The following GIGYF2 variants were observed in gnomAD, a reference collection of about 807,000 sequenced individuals.
GIGYF2 encodes GRB10-interacting GYF protein 2.
Under a neutral mutation model 208.1 loss-of-function variants are expected in GIGYF2, and 25 were observed. The observed-to-expected ratio is 0.12, with a 90% CI of 0.09 to 0.17. The LOEUF (loss-of-function observed/expected upper bound fraction) is 0.17, where lower values mean the gene tolerates loss of function less well. Among genes scored for constraint, GIGYF2 ranks in the 10% least tolerant of loss-of-function variants. The probability of loss-of-function intolerance (pLI) is 1.00; values close to 1 mark genes in which losing one functional copy is unlikely to be tolerated. For missense variants in GIGYF2, 1,302 were observed against 1,579.4 expected (o/e 0.82, Z 2.98); for synonymous variants, 534 against 543.8 (o/e 0.98, Z 0.25).
chr2:232,773,909 T>C (rs1699390377), intron 8 of GIGYF2, among the ~76,000 whole-genome samples: 1 of 127,784 alleles, frequency 7.8e-6, no homozygotes, highest in South Asian at 2.4e-4. Flanking sequence ...TTGTCTCTAT[T>C]TAAAAAAAAA....
chr2:232,779,496 C>CGTTA (rs1330312166), intron 8 of GIGYF2, among the ~76,000 whole-genome samples: 1 of 152,184 alleles, frequency 6.6e-6, no homozygotes, highest in African/African-American at 2.4e-5. Flanking sequence ...AGCTTTAAAA[C>CGTTA]GTTAGCTCTG....
intron 8 of GIGYF2, among the ~76,000 whole-genome samples, chr2:232,775,971 C>G (rs1042193962): frequency 2.6e-5 from 4 of 152,176 alleles, no homozygotes; most frequent in Admixed American, 6.5e-5. Context: ...GCAGAAGTAT[C>G]TATTAATTTC....
At chr2:232,746,027 G>A (rs778757082) in intron 3 of GIGYF2, among the ~76,000 whole-genome samples, 1 of 152,156 alleles carries the variant, frequency 6.6e-6, no homozygotes, top group Non-Finnish European at 1.5e-5. Context: ...AGAGGCCAAG[G>A]TGGGAGGATT....
intron 8 of GIGYF2, among the ~76,000 whole-genome samples, chr2:232,785,089 C>CT (rs578157035): frequency 0.054 from 7,211 of 134,472 alleles, 281 homozygotes; most frequent in South Asian, 0.19. Flanking sequence ...ACTTCTTCTT[C>CT]TTTTTTTTTT....
At chr2:232,783,934 C>T (rs995402186) in intron 8 of GIGYF2, among the ~76,000 whole-genome samples, 5 of 152,140 alleles carry the variant, frequency 3.3e-5, no homozygotes, top group East Asian at 1.9e-4. Flanking sequence ...GTGATCCGCC[C>T]GCCTCGGCCT....
At chr2:232,708,381 G>GAAC (rs1442220111) in intron 2 of GIGYF2, among the ~76,000 whole-genome samples, 3 of 152,084 alleles carry the variant, frequency 2.0e-5, no homozygotes, top group Non-Finnish European at 4.4e-5. Context: ...TGGGGACAGT[G>GAAC]AACAGAATGG....
chr2:232,781,313 CACACACACAA>C (rs1313703143), intron 8 of GIGYF2, among the ~76,000 whole-genome samples: 1 of 151,630 alleles, frequency 6.6e-6, no homozygotes. Context: ...CACACACACA[CACACACACAA>C]CTTATAAAGA....
At chr2:232,733,822 ATTGTT>A (rs2106293974) in intron 2 of GIGYF2, among the ~76,000 whole-genome samples, 1 of 152,330 alleles carries the variant, frequency 6.6e-6, no homozygotes, top group African/African-American at 2.4e-5. Flanking sequence ...GTTCTGCTGT[ATTGTT>A]TAGGGAACAA....
intron 27 of GIGYF2, among the ~76,000 whole-genome samples, chr2:232,848,877 A>G (rs1248860294): frequency 6.6e-6 from 1 of 152,226 alleles, no homozygotes; most frequent in African/African-American, 2.4e-5. Flanking sequence ...GGGGTTACAA[A>G]TACATTTTAA....
chr2:232,823,682 C>G (rs1701165029), intron 21 of GIGYF2, among the ~76,000 whole-genome samples: 1 of 151,950 alleles, frequency 6.6e-6, no homozygotes, highest in Non-Finnish European at 1.5e-5. Context: ...TGCTTTTGTC[C>G]CCTTTTGGTG....
rs140340193 is a variant in GIGYF2, at chr2:232,818,584, A to G, written c.2371-1243A>G. On this transcript the variant is annotated intron_variant, in intron 20 of 28. Transcript: ENST00000373563. ...CATCTATGTCAAAAATCAATTGAGT[A>G]TAAATGTGTGGATTTATTTCTGGGG... is the stretch of plus-strand genomic sequence containing the variant. Among the ~76,000 whole-genome samples the G allele has an allele frequency of 2.8e-3, 423 of 152,228 alleles. 2 individuals carry two copies. Among genetic ancestry groups the G allele is most frequent in the African/African-American group, 9.8e-3 (407 of 41,540 alleles).
chr2:232,804,603 TGCCTCA>T (rs962589907), intron 14 of GIGYF2, among the ~76,000 whole-genome samples: 2 of 152,128 alleles, frequency 1.3e-5, no homozygotes, highest in African/African-American at 4.8e-5. Context: ...GCGATTCTCC[TGCCTCA>T]GCCTCCCAAG....
chr2:232,810,840 A>AT (rs1700712550), intron 16 of GIGYF2: 2 of 199,822 alleles, frequency 1.0e-5, no homozygotes, highest in South Asian at 7.9e-5. Flanking sequence ...GAAGTGTTAC[A>AT]TTTTTTACAA....
intron 3 of GIGYF2, among the ~76,000 whole-genome samples, chr2:232,737,589 A>G (rs905020959): frequency 6.6e-5 from 10 of 152,170 alleles, no homozygotes; most frequent in Non-Finnish European, 1.0e-4. Flanking sequence ...TTGCAGTAGG[A>G]GTAGAGAGTA....
At chr2:232,820,477 G>T (rs1322997113) in intron 21 of GIGYF2, among the ~76,000 whole-genome samples, 1 of 151,920 alleles carries the variant, frequency 6.6e-6, no homozygotes, top group Admixed American at 6.6e-5. Context: ...ACCATGCCTG[G>T]CTAATTTTTT....
chr2:232,820,295 TA>T (rs1297712463), intron 21 of GIGYF2, among the ~76,000 whole-genome samples: 1 of 150,692 alleles, frequency 6.6e-6, no homozygotes, highest in Non-Finnish European at 1.5e-5. Flanking sequence ...CAAATTCTCA[TA>T]AATCACCCAG....
In GIGYF2 at chr2:232,857,150, T is replaced by C. The variant is rs1690609861; in HGVS notation, c.*290T>C. 2.0e-6 allele frequency: 1 copy of C among 497,942 alleles called. No homozygotes were observed. Among genetic ancestry groups the C allele is most frequent in the South Asian group, 2.2e-5 (1 of 45,696 alleles). 30.8% of individuals were successfully genotyped at this position (497,942 alleles called of 1,614,324 possible). ...TAGGCAGCATGTGTTCACTGTGCTGTGATTTCATCTACTGTCTCCCAGAAA... is the reference window on the plus strand; with the variant it reads ...TAGGCAGCATGTGTTCACTGTGCTGCGATTTCATCTACTGTCTCCCAGAAA... On this transcript the variant is annotated 3_prime_UTR_variant, in exon 29 of 29. Transcript: ENST00000373563.
chr2:232,843,892 C>T (rs967640058), intron 23 of GIGYF2, 154 bp from the exon 24 acceptor site: 18 of 698,738 alleles, frequency 2.6e-5, no homozygotes, highest in South Asian at 4.9e-5. Context: ...ATACTGTTAG[C>T]GATTTACATT....
intron 2 of GIGYF2, among the ~76,000 whole-genome samples, chr2:232,715,445 C>T (rs988886124): frequency 4.6e-5 from 7 of 151,922 alleles, no homozygotes; most frequent in Admixed American, 1.3e-4. Flanking sequence ...TACAGATAAG[C>T]AGTATCTGTA....
Sources: gnomAD v4.1 joint callset for allele counts (sites outside exome capture counted in the v4.1 genomes callset) on GRCh38, gnomAD v4.1.1 for gene constraint, MANE v1.5 for transcripts, NCBI Gene and HGNC (gene_info 2026-07-23, HGNC 2026-07-21) for gene names.